The following NEBL variants were observed in gnomAD, a reference collection of about 807,000 sequenced individuals.
NEBL encodes nebulette.
Under a neutral mutation model 140.2 loss-of-function variants are expected in NEBL, and 122 were observed. The observed-to-expected ratio is 0.87, with a 90% CI of 0.75 to 1.01. The LOEUF (loss-of-function observed/expected upper bound fraction) is 1.01. Among genes scored for constraint, NEBL ranks in the 50% least tolerant of loss-of-function variants. NEBL has a pLI of 0.00. For synonymous variants in NEBL, 436 were observed against 398.9 expected (o/e 1.09, Z -1.11); for missense variants, 1,365 against 1,231.3 (o/e 1.11, Z -1.62).
rs574271019 is a variant in NEBL, at chr10:20,990,458, A to G, written c.250-28679T>C. 7.9e-5 allele frequency among the ~76,000 whole-genome samples: 12 copies of G among 152,264 alleles called. No individual in the cohort carries two copies. In the South Asian group the frequency reaches 2.5e-3, roughly 32 times the overall value. ...AGCACTAGCTCTCTCTCTCTCTACC[A>G]TGCAAGGATACAGAGAGAAGACAGC... On this transcript the variant is annotated intron_variant, in intron 3 of 6. Coordinates refer to the NEBL transcript ENST00000417816.
intron 1 of NEBL, among the ~76,000 whole-genome samples, chr10:21,283,315 G>A (rs1342452014): frequency 1.3e-5 from 2 of 152,132 alleles, no homozygotes; most frequent in Non-Finnish European, 2.9e-5. Flanking sequence ...AAAAAGGGGA[G>A]GCATGAATAA....
chr10:21,092,052 G>A (rs1020718498), intron 2 of NEBL, among the ~76,000 whole-genome samples: 31 of 152,114 alleles, frequency 2.0e-4, no homozygotes, highest in African/African-American at 5.1e-4. Flanking sequence ...TAGTTATGTC[G>A]TATCTTACAG....
intron 2 of NEBL, among the ~76,000 whole-genome samples, chr10:21,131,639 A>G (rs1839112076): frequency 6.9e-6 from 1 of 144,402 alleles, no homozygotes; most frequent in South Asian, 2.2e-4. Flanking sequence ...ATTGTTTTCA[A>G]ATCCATGTAG....
At chr10:20,946,575 C>T (rs1396464837) in intron 4 of NEBL, among the ~76,000 whole-genome samples, 4 of 152,170 alleles carry the variant, frequency 2.6e-5, no homozygotes, top group African/African-American at 7.2e-5. Context: ...AATTCTCCCA[C>T]CTCAGCTTCC....
chr10:20,827,634 G>C (rs367844446), intron 17 of NEBL, among the ~76,000 whole-genome samples: 178 of 152,232 alleles, frequency 1.2e-3, no homozygotes, highest in African/African-American at 4.2e-3. Flanking sequence ...TAATAGTGCT[G>C]ATGCACTATT....
upstream of NEBL, among the ~76,000 whole-genome samples, chr10:21,178,937 C>G (rs577582412): frequency 6.6e-6 from 1 of 152,334 alleles, no homozygotes; most frequent in Non-Finnish European, 1.5e-5. Flanking sequence ...AAATAATCCA[C>G]TCCCTAAAAT....
At chr10:20,934,402 G>T (rs924231072) in intron 4 of NEBL, among the ~76,000 whole-genome samples, 1 of 152,144 alleles carries the variant, frequency 6.6e-6, no homozygotes, top group Non-Finnish European at 1.5e-5. Context: ...GTGCACTAAC[G>T]CAGACTCATT....
In NEBL at chr10:21,274,704, G is replaced by A. The variant is rs1842898909; in HGVS notation, n.182+18126C>T. 2.6e-5 allele frequency among the ~76,000 whole-genome samples: 4 copies of A among 152,020 alleles called. No individual in the cohort carries two copies. In the South Asian group the frequency reaches 8.3e-4, roughly 32 times the overall value. On this transcript the variant is annotated intron_variant and non_coding_transcript_variant, in intron 1 of 8. Coordinates refer to the NEBL transcript ENST00000675702. The stretch of plus-strand genomic sequence containing the variant: ...GCCTCCCAAAGTGCTGGGATTACAA[G>A]TTTGAGCCACCACACCCAGCCTATA...
At chr10:20,882,524 T>C (rs980354938) in intron 4 of NEBL, among the ~76,000 whole-genome samples, 1 of 152,214 alleles carries the variant, frequency 6.6e-6, no homozygotes, top group African/African-American at 2.4e-5. Flanking sequence ...CTTTTTATCC[T>C]GTGCCTAACA....
chr10:21,254,076 T>C (rs1415427670), intron 1 of NEBL, among the ~76,000 whole-genome samples: 4 of 152,226 alleles, frequency 2.6e-5, no homozygotes, highest in Non-Finnish European at 5.9e-5. Flanking sequence ...AAATGTCTTA[T>C]GATAATATGG....
intron 16 of NEBL, 189 bp downstream of exon 16, chr10:20,831,007 A>T (rs576893177): frequency 3.3e-6 from 2 of 608,996 alleles, no homozygotes; most frequent in Non-Finnish European, 5.9e-6. Flanking sequence ...TGTCTGTTGC[A>T]TTGAATCTAT....
In NEBL at chr10:21,025,579, C is replaced by T. The variant is rs147500979; in HGVS notation, c.165-5378G>A. On this transcript the variant is annotated intron_variant, in intron 2 of 6. Coordinates refer to the NEBL transcript ENST00000417816. ...GAGCTCGTCAAAATGCAGGAAGCGA[C>T]ATAAGCAAATGGCAACCTCCATGGA... is the stretch of plus-strand genomic sequence containing the variant. Among the ~76,000 whole-genome samples the T allele has an allele frequency of 5.9e-3, 892 of 152,262 alleles. 8 individuals are homozygous for T. The highest frequency in any genetic ancestry group is 0.021 in the African/African-American group (859 of 41,542).
At chr10:21,053,162 A>C (rs1834851926) in intron 2 of NEBL, among the ~76,000 whole-genome samples, 1 of 152,238 alleles carries the variant, frequency 6.6e-6, no homozygotes, top group Non-Finnish European at 1.5e-5. Flanking sequence ...ATAAATACAT[A>C]AAACTTTAAA....
chr10:20,862,976 A>T (rs112664806), intron 7 of NEBL, among the ~76,000 whole-genome samples: 3 of 152,286 alleles, frequency 2.0e-5, no homozygotes, highest in African/African-American at 7.2e-5. Flanking sequence ...CATAATAATC[A>T]CATCAGGGAA....
chr10:21,111,115 C>G (rs1331750539), intron 2 of NEBL, among the ~76,000 whole-genome samples: 1 of 152,186 alleles, frequency 6.6e-6, no homozygotes, highest in African/African-American at 2.4e-5. Context: ...AATGGAAGAA[C>G]TTTCCATGCT....
At chr10:20,855,857 G>A (rs703092) in intron 9 of NEBL, among the ~76,000 whole-genome samples, 146,557 of 152,286 alleles carry the variant, frequency 0.96, 70,714 homozygotes, top group Middle Eastern at 1. Context: ...AATAGCTACT[G>A]TGACAAATGG....
upstream of NEBL, among the ~76,000 whole-genome samples, chr10:20,898,164 C>T (rs1847659005): frequency 6.6e-6 from 1 of 151,842 alleles, no homozygotes; most frequent in East Asian, 1.9e-4. Flanking sequence ...TTACGTAAAA[C>T]CAAGGTTAAA....
chr10:21,129,221 A>C (rs1564521390), intron 2 of NEBL, among the ~76,000 whole-genome samples: 1 of 152,070 alleles, frequency 6.6e-6, no homozygotes, highest in Non-Finnish European at 1.5e-5. Flanking sequence ...AAGAAAGTAC[A>C]TTTTTTTAAA....
upstream of NEBL, among the ~76,000 whole-genome samples, chr10:21,176,343 G>T (rs7907428): frequency 0.24 from 36,125 of 151,970 alleles, 4,992 homozygotes; most frequent in East Asian, 0.58. Flanking sequence ...TGATCACAGT[G>T]CCTGACATAC....
Sources: allele counts gnomAD v4.1 joint callset (sites outside exome capture counted in the v4.1 genomes callset), GRCh38; gene constraint gnomAD v4.1.1; transcripts MANE v1.5; gene names NCBI Gene and HGNC (gene_info 2026-07-23, HGNC 2026-07-21).